CDH2: variants seen among roughly 807,000 people sequenced by gnomAD.
CDH2 encodes the protein cadherin-2.
CDH2 carries 17 observed loss-of-function variants against 92.0 expected under a neutral mutation model. That is an observed-to-expected ratio of 0.18 (90% CI 0.13 to 0.28). The LOEUF is 0.28. Ranked by LOEUF, CDH2 falls within the 10% of genes least tolerant of loss-of-function variation. The pLI is 1.00. For missense variants in CDH2, 862 were observed against 1,133.1 expected (o/e 0.76, Z 3.44); for synonymous variants, 419 against 415.9 (o/e 1.01, Z -0.09).
chr18:27,940,468 C>G (rs1196340262), intron 6 of CDH2, among the ~76,000 whole-genome samples: 1 of 152,156 alleles, frequency 6.6e-6, no homozygotes, highest in Non-Finnish European at 1.5e-5. Context: ...GTCCTTCCAC[C>G]TTCCTGGATG....
chr18:28,075,623 G>C (rs1356263199), intron 2 of CDH2, among the ~76,000 whole-genome samples: 1 of 152,156 alleles, frequency 6.6e-6, no homozygotes, highest in East Asian at 1.9e-4. Flanking sequence ...AACAGAAAAG[G>C]CTGGTATCCC....
In CDH2 at chr18:27,990,212, G is replaced by T. The variant is rs200059562; in HGVS notation, c.1483C>A (p.Pro495Thr). Residue 495 changes from proline (P) to threonine (T), a missense_variant, in exon 10 of 16, where the codon CCT becomes ACT. This residue lies in a region of CDH2 where 564 missense variants were observed against 722.2 expected (regional missense o/e 0.78). Transcript: ENST00000269141. ...ATCTTAGGATTGGGGGCAAAATAAGGGTTTTCATTTACGTCAATAACTGTA... is the reference window on the plus strand; with the variant it reads ...ATCTTAGGATTGGGGGCAAAATAAGTGTTTTCATTTACGTCAATAACTGTA... Reference protein sequence around the residue: ...SVTVIDVNENPYFAPNPKIIR... With the variant: ...SVTVIDVNENTYFAPNPKIIR... 3.7e-6 allele frequency: 6 copies of T among 1,613,976 alleles called. No individual in the cohort carries two copies. The highest frequency in any genetic ancestry group is 2.7e-5 in the African/African-American group (2 of 74,906).
chr18:28,032,224 T>C (rs575931597), intron 2 of CDH2, among the ~76,000 whole-genome samples: 3 of 152,058 alleles, frequency 2.0e-5, no homozygotes, highest in Admixed American at 6.6e-5. Context: ...AGTAATAATA[T>C]ACAAAACCAA....
intron 14 of CDH2, among the ~76,000 whole-genome samples, chr18:27,974,911 A>C (rs1263366854): frequency 6.6e-6 from 1 of 152,218 alleles, no homozygotes; most frequent in Non-Finnish European, 1.5e-5. Context: ...TATAAGCTAC[A>C]CAGTTTATGA....
intron 2 of CDH2, among the ~76,000 whole-genome samples, chr18:28,137,384 G>C (rs2015879965): frequency 6.6e-6 from 1 of 152,080 alleles, no homozygotes. Context: ...TGACAGGAAA[G>C]CATCCATAAA....
At chr18:28,066,041 G>A (rs2014499811) in intron 2 of CDH2, among the ~76,000 whole-genome samples, 1 of 152,158 alleles carries the variant, frequency 6.6e-6, no homozygotes, top group Non-Finnish European at 1.5e-5. Context: ...CTCCCTATTT[G>A]TGCATCAAAT....
chr18:28,082,195 C>A (rs967341932), intron 2 of CDH2, among the ~76,000 whole-genome samples: 15 of 152,092 alleles, frequency 9.9e-5, no homozygotes, highest in Admixed American at 3.9e-4. Context: ...CTGCTTGAGC[C>A]CAGGAGTTAG....
At chr18:27,934,971 G>A (rs1034544183) in intron 6 of CDH2, among the ~76,000 whole-genome samples, 1 of 152,140 alleles carries the variant, frequency 6.6e-6, no homozygotes, top group African/African-American at 2.4e-5. Context: ...CCAACTTCCA[G>A]CAAACTTCAT....
chr18:28,023,338 T>C (rs1447098889), intron 2 of CDH2, among the ~76,000 whole-genome samples: 1 of 152,122 alleles, frequency 6.6e-6, no homozygotes, highest in Non-Finnish European at 1.5e-5. Context: ...TTTTATTTCA[T>C]TTTGAGACAG....
At chr18:28,025,275 T>C (rs2013519865) in intron 2 of CDH2, among the ~76,000 whole-genome samples, 1 of 152,164 alleles carries the variant, frequency 6.6e-6, no homozygotes, top group Non-Finnish European at 1.5e-5. Flanking sequence ...CCTAGCACTT[T>C]GGCAGGCTGA....
At chr18:28,023,720 C>A (rs915844389) in intron 2 of CDH2, among the ~76,000 whole-genome samples, 2 of 152,120 alleles carry the variant, frequency 1.3e-5, no homozygotes, top group African/African-American at 4.8e-5. Flanking sequence ...AAATAATGAT[C>A]TTCAAGGATT....
At chr18:27,994,017 G>T (rs551157321) in intron 7 of CDH2, among the ~76,000 whole-genome samples, 1 of 152,212 alleles carries the variant, frequency 6.6e-6, no homozygotes, top group Admixed American at 6.5e-5. Context: ...CCCAGTTTAG[G>T]ATACTAAAAA....
At chr18:27,981,098 G>A (rs943556082) in intron 14 of CDH2, among the ~76,000 whole-genome samples, 7 of 152,076 alleles carry the variant, frequency 4.6e-5, no homozygotes, top group Admixed American at 4.6e-4. Context: ...AATTTTCTTG[G>A]TTCTTGCCTC....
chr18:28,129,407 TTAGG>T (rs1461334480), intron 2 of CDH2, among the ~76,000 whole-genome samples: 1 of 152,228 alleles, frequency 6.6e-6, no homozygotes, highest in Non-Finnish European at 1.5e-5. Context: ...CATTGATATA[TTAGG>T]TAAACATGAA....
intron 4 of CDH2, among the ~76,000 whole-genome samples, chr18:28,011,573 T>C (rs2013100518): frequency 6.6e-6 from 1 of 152,210 alleles, no homozygotes; most frequent in South Asian, 2.1e-4. Flanking sequence ...GGAATATGTG[T>C]TGGCTTTAGG....
intron 2 of CDH2, among the ~76,000 whole-genome samples, chr18:28,046,415 A>C (rs1053958990): frequency 6.6e-6 from 1 of 152,240 alleles, no homozygotes; most frequent in East Asian, 1.9e-4. Context: ...TAGTTATGCT[A>C]TAATAAAAAC....
At chr18:28,085,209 A>C (rs1188479217) in intron 2 of CDH2, among the ~76,000 whole-genome samples, 2 of 152,022 alleles carry the variant, frequency 1.3e-5, no homozygotes, top group African/African-American at 4.8e-5. Flanking sequence ...AACTTAAAAA[A>C]TGGGTCATTC....
At chr18:27,998,610 T>C (rs1599021777) in intron 7 of CDH2, among the ~76,000 whole-genome samples, 1 of 151,774 alleles carries the variant, frequency 6.6e-6, no homozygotes, top group East Asian at 1.9e-4. Context: ...AGTGGAAGTA[T>C]TTTTTGCTTG....
At chr18:28,039,832 A>G (rs2013914169) in intron 2 of CDH2, among the ~76,000 whole-genome samples, 1 of 152,198 alleles carries the variant, frequency 6.6e-6, no homozygotes, top group East Asian at 1.9e-4. Flanking sequence ...TACAGTGATT[A>G]GTATAAACAC....
Sources: allele counts gnomAD v4.1 joint callset (sites outside exome capture counted in the v4.1 genomes callset), GRCh38; gene constraint gnomAD v4.1.1; regional missense constraint gnomAD v4.1.1; transcripts MANE v1.5; gene names NCBI Gene and HGNC (gene_info 2026-07-23, HGNC 2026-07-21).